DNAH6: variants seen among roughly 807,000 people sequenced by gnomAD.
DNAH6 encodes the protein axonemal beta dynein heavy chain 6.
DNAH6 carries 340 observed loss-of-function variants against 491.4 expected under a neutral mutation model. That is an observed-to-expected ratio of 0.69 (90% CI 0.63 to 0.76). The LOEUF is 0.76. DNAH6 is among the 30% of genes least tolerant of loss of function. DNAH6 has a pLI of 0.00. For synonymous variants in DNAH6, 1,603 were observed against 1,686.1 expected (o/e 0.95, Z 1.21); for missense variants, 4,443 against 4,972.2 (o/e 0.89, Z 3.20).
chr2:84,640,172 CA>C (rs1349307909), intron 31 of DNAH6, among the ~76,000 whole-genome samples: 1 of 151,946 alleles, frequency 6.6e-6, no homozygotes, highest in East Asian at 1.9e-4. Context: ...TTCCTTGAAC[CA>C]AATGTCCCCA....
intron 2 of DNAH6, among the ~76,000 whole-genome samples, chr2:84,519,159 C>T (rs1675893205): frequency 6.6e-6 from 1 of 151,996 alleles, no homozygotes; most frequent in African/African-American, 2.4e-5. Context: ...CAAGTCTCAG[C>T]CAACAGCCTG....
intron 15 of DNAH6, among the ~76,000 whole-genome samples, chr2:84,587,804 G>A (rs564649251): frequency 6.6e-6 from 1 of 152,086 alleles, no homozygotes; most frequent in Non-Finnish European, 1.5e-5. Context: ...CCCTCATGGC[G>A]AATAGATGGG....
chr2:84,591,874 C>T (rs187469488), intron 16 of DNAH6, among the ~76,000 whole-genome samples: 65 of 151,206 alleles, frequency 4.3e-4, no homozygotes, highest in Middle Eastern at 3.5e-3. Context: ...CTTCAACAAA[C>T]GGTGTTAAGG....
intron 37 of DNAH6, among the ~76,000 whole-genome samples, chr2:84,664,951 A>C (rs1187979206): frequency 7.2e-5 from 11 of 152,214 alleles, no homozygotes; most frequent in Non-Finnish European, 1.2e-4. Context: ...AACTCACTCA[A>C]GACCGCTCAA....
Position 84,686,574 on chromosome 2 carries a change from G to T in DNAH6, c.7137+17G>T. 1 of 1,339,020 alleles carries T rather than the reference G, an allele frequency of 7.5e-7. No individual in the cohort carries two copies. The highest frequency in any genetic ancestry group is 1.4e-5 in the South Asian group (1 of 71,992). 82.9% of individuals were successfully genotyped at this position (1,339,020 alleles called of 1,614,324 possible). ...TTCATTAAGGCAAGTATGTTAGATT[G>T]ACTTGACCTCATTTGAAAATTGTAA... On this transcript the variant is annotated intron_variant, in intron 44 of 76. Transcript: ENST00000389394.
At position 84,642,039 on chromosome 2, in the gene DNAH6, A is replaced by G. The variant is rs1391629905; in HGVS notation, c.5063A>G (p.Asp1688Gly). Residue 1688 changes from aspartate to glycine, a missense_variant, in exon 33 of 77, where the codon GAT (aspartate) becomes GGT (glycine). Asp to Gly is a moderately conservative substitution (Grantham distance 94). Transcript: ENST00000389394. ...DSNLPKFLTD[D>G]ALLFSGIISD... ...AATTTGCCAAAATTTCTAACAGATGATGCTCTTCTGTTCAGGTAAGTTTGT... is the reference window on the plus strand; with the variant it reads ...AATTTGCCAAAATTTCTAACAGATGGTGCTCTTCTGTTCAGGTAAGTTTGT... 2 of 1,550,308 alleles carry G rather than the reference A, an allele frequency of 1.3e-6. No individual in the cohort carries two copies. The highest frequency in any genetic ancestry group is 2.0e-5 in the Admixed American group (1 of 50,952).
chr2:84,679,847 G>T (rs1918691), intron 41 of DNAH6, among the ~76,000 whole-genome samples: 113,771 of 152,132 alleles, frequency 0.75, 42,969 homozygotes, highest in East Asian at 0.92. Context: ...AGATAATGAA[G>T]AGATGAATGA....
the DNAH6 span, among the ~76,000 whole-genome samples, chr2:84,469,692 C>G: frequency 3.1e-4 from 47 of 152,294 alleles, no homozygotes; most frequent in African/African-American, 1.1e-3. The surrounding 1 kb of genome is among the most constrained non-coding windows in gnomAD (Gnocchi z 4.0). Flanking sequence ...GCAGTCCCAT[C>G]AGCTCTCAAA....
chr2:84,688,813 A>G (rs1049038549), intron 45 of DNAH6, among the ~76,000 whole-genome samples: 24 of 152,218 alleles, frequency 1.6e-4, no homozygotes, highest in African/African-American at 5.8e-4. Context: ...GCTAAATATT[A>G]GTAGATGGTT....
chr2:84,791,199 AAG>A (rs1677707406), intron 68 of DNAH6, among the ~76,000 whole-genome samples: 1 of 151,532 alleles, frequency 6.6e-6, no homozygotes, highest in African/African-American at 2.4e-5. Flanking sequence ...CAAAAAAAAA[AAG>A]AAAAAAGAAA....
intron 59 of DNAH6, among the ~76,000 whole-genome samples, chr2:84,721,942 G>A (rs918732019): frequency 6.6e-6 from 1 of 152,210 alleles, no homozygotes; most frequent in African/African-American, 2.4e-5. Flanking sequence ...GCAGACAGCA[G>A]TAGAAAGAGA....
chr2:84,723,615 G>A (rs192422368), intron 60 of DNAH6, among the ~76,000 whole-genome samples: 1 of 152,260 alleles, frequency 6.6e-6, no homozygotes, highest in African/African-American at 2.4e-5. Flanking sequence ...ATTGGTTTAT[G>A]TATCTTTTAT....
the DNAH6 span, among the ~76,000 whole-genome samples, chr2:84,464,840 C>T: frequency 6.6e-6 from 1 of 152,088 alleles, no homozygotes; most frequent in African/African-American, 2.4e-5. Context: ...TGCTGACCTC[C>T]TATCTCATCC....
chr2:84,663,274 G>A lies in DNAH6; in HGVS notation c.6084+4105G>A, dbSNP rs755488507. Among the ~76,000 whole-genome samples, 54 of 152,270 alleles carry A rather than the reference G, an allele frequency of 3.5e-4. 2 individuals are homozygous for A. In the Middle Eastern group the frequency reaches 0.01, roughly 29 times the overall value. On this transcript the variant is annotated intron_variant, in intron 37 of 76. Transcript: ENST00000389394. ...GAGTTGAGAGAAGAAGGCCTCAGAC[G>A]ATCAGTAATAACAAACTCCTCCGAG...
At chr2:84,483,837 C>A in the DNAH6 span, among the ~76,000 whole-genome samples, 1 of 152,104 alleles carries the variant, frequency 6.6e-6, no homozygotes, top group East Asian at 1.9e-4. Context: ...GGAAGTCCAG[C>A]ATCTTCGTGT....
chr2:84,790,392 T>G lies in DNAH6; in HGVS notation c.11239+3090T>G, dbSNP rs1374336705. 2.0e-5 allele frequency among the ~76,000 whole-genome samples: 3 copies of G among 152,176 alleles called. No homozygotes were observed. In the East Asian group the frequency reaches 5.8e-4, roughly 29 times the overall value. On this transcript the variant is annotated intron_variant, in intron 68 of 76. Transcript: ENST00000389394. ...CAAAAAAGAAAAAATAAATTGGACTTCATCAACATCTAAAACTTTTACACT... is the reference window on the plus strand; with the variant it reads ...CAAAAAAGAAAAAATAAATTGGACTGCATCAACATCTAAAACTTTTACACT...
At chr2:84,574,558 T>C (rs1682237584) in intron 12 of DNAH6, among the ~76,000 whole-genome samples, 2 of 152,184 alleles carry the variant, frequency 1.3e-5, no homozygotes, top group African/African-American at 4.8e-5. Flanking sequence ...TGAAACTGAC[T>C]CCTTTTTTTC....
Position 84,544,459 on chromosome 2 carries a change from T to C in DNAH6, c.889T>C (p.Cys297Arg), listed in dbSNP as rs1678579995. ...TGTCCGCTCCAAGAAAATCACTGGA[T>C]GTCAAAAATCTCTACAAAAAAATTT... ...KNVRSKKITGCQKSLQKNLFI... is the reference protein window; with the variant it reads ...KNVRSKKITGRQKSLQKNLFI... Residue 297 changes from cysteine (C) to arginine (R), a missense_variant, in exon 5 of 77, where the codon TGT becomes CGT. Cys to Arg is a radical substitution (Grantham distance 180, BLOSUM62 -3). Around this residue, in one of 3 missense-constraint regions of DNAH6, gnomAD observed 2,977 missense variants for 3,296.6 expected, o/e 0.90. Transcript: ENST00000389394. The C allele has an allele frequency of 6.6e-7, 1 of 1,518,490 alleles. No homozygotes were observed. The highest frequency in any genetic ancestry group is 9.0e-7 in the Non-Finnish European group (1 of 1,117,204). 94.1% of individuals were successfully genotyped at this position (1,518,490 alleles called of 1,614,324 possible). A position where few individuals can be genotyped will look rare whatever the true frequency, so the allele number is the denominator to read the frequency against.
At chr2:84,641,834 C>G (rs1455699202) in intron 32 of DNAH6, 113 bp from the exon 33 acceptor site, 1 of 784,914 alleles carries the variant, frequency 1.3e-6, no homozygotes, top group Non-Finnish European at 2.0e-6. Flanking sequence ...AAATGATCTT[C>G]TCCTTCTAAC....
Sources: allele counts gnomAD v4.1 joint callset (sites outside exome capture counted in the v4.1 genomes callset), GRCh38; gene constraint gnomAD v4.1.1; regional missense constraint gnomAD v4.1.1; non-coding constraint Gnocchi (gnomAD v3.1); transcripts MANE v1.5; gene names NCBI Gene and HGNC (gene_info 2026-07-23, HGNC 2026-07-21).